The following NUP35 variants were observed in gnomAD, a reference collection of about 807,000 sequenced individuals.
NUP35 encodes the protein nucleoporin 35.
In NUP35, 25 loss-of-function variants were observed where a neutral mutation model predicts 41.5. The ratio of observed to expected loss-of-function variants is 0.60; its 90% confidence interval spans 0.44 to 0.84. The LOEUF (loss-of-function observed/expected upper bound fraction) is 0.84, where lower values mean the gene tolerates loss of function less well. Among genes scored for constraint, NUP35 ranks in the 40% least tolerant of loss-of-function variants. The pLI, the probability that NUP35 is intolerant of heterozygous loss-of-function variation, is 0.00. For missense variants in NUP35, 396 were observed against 396.6 expected (o/e 1.00, Z 0.01); for synonymous variants, 149 against 130.7 (o/e 1.14, Z -0.96).
At chr2:183,146,684 C>T (rs1195958358) in intron 4 of NUP35, among the ~76,000 whole-genome samples, 1 of 152,020 alleles carries the variant, frequency 6.6e-6, no homozygotes, top group Non-Finnish European at 1.5e-5. Flanking sequence ...GCAACCTCTA[C>T]TCCCCGGGTT....
At chr2:183,124,428 G>A, upstream of NUP35, 2 of 1,614,200 alleles carry the variant, frequency 1.2e-6, no homozygotes, top group Middle Eastern at 1.7e-4. Context: ...AATTGGGAAG[G>A]TACTGGTTTT....
chr2:183,133,525 GT>G, intron 3 of NUP35, 40 bp from the exon 4 acceptor site: 1 of 1,515,770 alleles, frequency 6.6e-7, no homozygotes, highest in Non-Finnish European at 9.1e-7. Context: ...CTGTATTTAT[GT>G]TTTGCATTTT....
chr2:183,142,503 A>G (rs1685131911), intron 4 of NUP35, among the ~76,000 whole-genome samples: 1 of 146,816 alleles, frequency 6.8e-6, no homozygotes, highest in Admixed American at 6.8e-5. Context: ...TTGTTTTGAG[A>G]TGGAGTTTTG....
chr2:183,151,530 A>C lies in NUP35; in HGVS notation c.420A>C (p.Ala140=), dbSNP rs1175098831. 2 of 1,614,034 alleles carry C rather than the reference A, an allele frequency of 1.2e-6. No homozygotes were observed. Among genetic ancestry groups the C allele is most frequent in the Admixed American group, 3.3e-5 (2 of 60,016 alleles). ...TAGGGCAAAGTATGTTTAGTCCAGC[A>C]AGTATCGGTCAGCCACGAAAGACGA... ...PGTGQSMFSP[A]SIGQPRKTTL... The change falls in exon 5 of 9, where the codon GCA becomes GCC. Residue 140 remains alanine, a synonymous_variant. Coordinates refer to ENST00000295119, the MANE Select transcript of NUP35 (RefSeq NM_138285.5).
rs1335518215 is a variant in NUP35 at position 183,161,195 on chromosome 2, G to A, written c.*64G>A. On this transcript the variant is annotated 3_prime_UTR_variant, in exon 9 of 9. Coordinates refer to ENST00000295119, the MANE Select transcript of NUP35 (RefSeq NM_138285.5). ...TTAGCAGAGTGCTGCTGGTTCCTTC[G>A]GTTAGTTATATAACTGTTCCTGCAG... 5.0e-6 allele frequency: 6 copies of A among 1,201,658 alleles called. No individual in the cohort carries two copies. Among genetic ancestry groups the A allele is most frequent in the East Asian group, 2.4e-5 (1 of 42,028 alleles). 74.4% of individuals were successfully genotyped at this position (1,201,658 alleles called of 1,614,324 possible). A position where few individuals can be genotyped will look rare whatever the true frequency, so the allele number is the denominator to read the frequency against.
At chr2:183,123,305 A>C (rs1336576701), upstream of NUP35, among the ~76,000 whole-genome samples, 2 of 152,194 alleles carry the variant, frequency 1.3e-5, no homozygotes, top group Admixed American at 1.3e-4. Flanking sequence ...ACTTTATCTG[A>C]ACTTTATTAC....
At chr2:183,142,646 C>CT (rs199972761) in intron 4 of NUP35, among the ~76,000 whole-genome samples, 37 of 150,620 alleles carry the variant, frequency 2.5e-4, no homozygotes, top group Non-Finnish European at 4.1e-4. Flanking sequence ...TGCTGGGCTA[C>CT]TTTTTGTATT....
chr2:183,129,814 G>A (rs1281994492), intron 2 of NUP35, among the ~76,000 whole-genome samples: 2 of 152,156 alleles, frequency 1.3e-5, no homozygotes, highest in Non-Finnish European at 2.9e-5. Flanking sequence ...TAGTCTTACC[G>A]ATGGCCTGGG....
chr2:183,129,052 A>G (rs969042945), intron 2 of NUP35, among the ~76,000 whole-genome samples: 1 of 152,104 alleles, frequency 6.6e-6, no homozygotes, highest in Admixed American at 6.5e-5. Flanking sequence ...AGTTGATGAA[A>G]TACCATCATT....
Position 183,129,930 on chromosome 2 carries a change from C to A in NUP35, c.212-488C>A, listed in dbSNP as rs911565701. Among the ~76,000 whole-genome samples, 4 of 152,132 alleles carry A rather than the reference C, an allele frequency of 2.6e-5. No homozygotes were observed. The East Asian group carries it at 5.8e-4, about 22-fold the overall frequency. On this transcript the variant is annotated intron_variant, in intron 2 of 8. Transcript: ENST00000295119. ...CTTTATTATGTACTTAAATATATTT[C>A]TACTGTGAGAAACATGAATGGGATC...
chr2:183,154,239 T>C lies in NUP35; in HGVS notation c.539+2590T>C, dbSNP rs566953939. 1.5e-3 allele frequency among the ~76,000 whole-genome samples: 228 copies of C among 152,344 alleles called. 1 individual carries two copies. The highest frequency in any genetic ancestry group is 5.1e-3 in the African/African-American group (214 of 41,578). ...GCTCTGACATGCCCTAGAGACATTT[T>C]CCCCATGCTCTTGGGCATTAACATT... is the stretch of plus-strand genomic sequence containing the variant. On this transcript the variant is annotated intron_variant, in intron 5 of 8. Transcript: ENST00000295119.
intron 5 of NUP35, among the ~76,000 whole-genome samples, 157 bp from the exon 6 acceptor site, chr2:183,157,287 G>C (rs3791249): frequency 0.51 from 77,724 of 151,968 alleles, 21,237 homozygotes; most frequent in East Asian, 0.77. Flanking sequence ...GTCACTGACA[G>C]AATTAGCCCA....
intron 4 of NUP35, among the ~76,000 whole-genome samples, chr2:183,143,994 A>G (rs1685190765): frequency 6.6e-6 from 1 of 152,242 alleles, no homozygotes; most frequent in African/African-American, 2.4e-5. Context: ...ACTTTAGACC[A>G]GCTGTCTATA....
rs1491072262 is a variant in NUP35, at chr2:183,135,885, T to TA, written c.397+2272dup. On this transcript the variant is annotated intron_variant, in intron 4 of 8. Transcript: ENST00000295119. ...CTCAAGAAAAAAGTAAATAAAAATT[T>TA]AAAAAAAAAAGCACGCAAAAAAACT... is the stretch of plus-strand genomic sequence containing the variant. Among the ~76,000 whole-genome samples the TA allele has an allele frequency of 4.8e-4, 71 of 148,834 alleles. 1 individual carries two copies. The highest frequency in any genetic ancestry group is 4.0e-4 in the East Asian group (2 of 5,042).
chr2:183,133,315 A>AAT (rs1369386460), intron 3 of NUP35, among the ~76,000 whole-genome samples: 1 of 132,032 alleles, frequency 7.6e-6, no homozygotes, highest in African/African-American at 3.3e-5. Flanking sequence ...CCTTTTACAG[A>AAT]AGATAGTCTT....
At chr2:183,127,584 A>T (rs976255095) in intron 1 of NUP35, among the ~76,000 whole-genome samples, 3 of 152,234 alleles carry the variant, frequency 2.0e-5, no homozygotes, top group Non-Finnish European at 2.9e-5. Flanking sequence ...TGAACTTTTT[A>T]TGGGGAAGAA....
chr2:183,157,598 G>C (rs1304473201), intron 6 of NUP35, 85 bp downstream of exon 6: 4 of 972,496 alleles, frequency 4.1e-6, no homozygotes, highest in Non-Finnish European at 6.3e-6. Flanking sequence ...GAATTTTGTG[G>C]GTTTTTTTTA....
At chr2:183,127,196 A>G (rs985013918) in intron 1 of NUP35, among the ~76,000 whole-genome samples, 1 of 152,142 alleles carries the variant, frequency 6.6e-6, no homozygotes, top group African/African-American at 2.4e-5. Flanking sequence ...ATAGATTGTG[A>G]GGATTTATTT....
chr2:183,151,534 A>G lies in NUP35; in HGVS notation c.424A>G (p.Ile142Val), dbSNP rs139822422. ...TGQSMFSPASIGQPRKTTLSP... is the reference protein window; with the variant it reads ...TGQSMFSPASVGQPRKTTLSP... Reference sequence around the variant, plus strand: ...GCAAAGTATGTTTAGTCCAGCAAGTATCGGTCAGCCACGAAAGACGACATT... The same window carrying G: ...GCAAAGTATGTTTAGTCCAGCAAGTGTCGGTCAGCCACGAAAGACGACATT... Residue 142 changes from isoleucine (I) to valine (V), a missense_variant, in exon 5 of 9, where the codon ATC (isoleucine) becomes GTC (valine). Ile to Val is a conservative substitution (Grantham distance 29). Coordinates refer to ENST00000295119, the MANE Select transcript of NUP35 (RefSeq NM_138285.5). The G allele has an allele frequency of 6.2e-6, 10 of 1,613,938 alleles. No homozygotes were observed. The highest frequency in any genetic ancestry group is 3.3e-5 in the South Asian group (3 of 91,088).
Sources: allele counts gnomAD v4.1 joint callset (sites outside exome capture counted in the v4.1 genomes callset), GRCh38; gene constraint gnomAD v4.1.1; transcripts MANE v1.5; gene names NCBI Gene and HGNC (gene_info 2026-07-23, HGNC 2026-07-21).